The following CTNND2 variants were observed in gnomAD, a reference collection of about 807,000 sequenced individuals.
CTNND2 encodes catenin delta-2.
CTNND2 carries 22 observed loss-of-function variants against 144.4 expected under a neutral mutation model. That is an observed-to-expected ratio of 0.15 (90% CI 0.11 to 0.22). CTNND2 has a LOEUF of 0.22. CTNND2 is among the 10% of genes least tolerant of loss of function. CTNND2 has a pLI of 1.00. For synonymous variants in CTNND2, 751 were observed against 695.6 expected, an observed-to-expected ratio of 1.08 and a Z score of -1.25; for missense variants, 1,353 against 1,618.8, an observed-to-expected ratio of 0.84 and a Z score of 2.82.
At chr5:11,195,892 T>C (rs190869955) in intron 11 of CTNND2, among the ~76,000 whole-genome samples, 2 of 152,330 alleles carry the variant, frequency 1.3e-5, no homozygotes, top group African/African-American at 4.8e-5. Flanking sequence ...TAGCTTCGAT[T>C]GGATTTAAAT....
chr5:11,054,945 C>A (rs1316071778), intron 16 of CTNND2, among the ~76,000 whole-genome samples: 2 of 152,106 alleles, frequency 1.3e-5, no homozygotes, highest in East Asian at 3.9e-4. Flanking sequence ...TGACTGAGAG[C>A]CTTAATGTGT....
chr5:11,618,103 A>T (rs895735375), intron 2 of CTNND2, among the ~76,000 whole-genome samples: 4 of 150,890 alleles, frequency 2.7e-5, no homozygotes, highest in Admixed American at 2.6e-4. Flanking sequence ...TTTTTTTAAT[A>T]CCATTCATAT....
intron 2 of CTNND2, among the ~76,000 whole-genome samples, chr5:11,616,525 T>C (rs1780587926): frequency 6.6e-6 from 1 of 152,044 alleles, no homozygotes; most frequent in South Asian, 2.1e-4. Flanking sequence ...CTTCCTTCCT[T>C]GCTTCCTTCC....
chr5:11,300,823 C>T lies in CTNND2; in HGVS notation c.1628+45549G>A, dbSNP rs1029641395. On this transcript the variant is annotated intron_variant, in intron 9 of 21. Transcript: ENST00000304623. ...CCCCCAGCCTCCACTCCCATCCCCT[C>T]AAGGGTGCCGCCTTTTGGAAACAGG... 2.6e-5 allele frequency among the ~76,000 whole-genome samples: 4 copies of T among 152,300 alleles called. No homozygotes were observed. The South Asian group carries it at 8.3e-4, about 32-fold the overall frequency.
intron 8 of CTNND2, among the ~76,000 whole-genome samples, chr5:11,353,344 CT>C (rs962756360): frequency 1.3e-5 from 2 of 152,178 alleles, no homozygotes; most frequent in Admixed American, 1.3e-4. Context: ...GTTTTACCCC[CT>C]CTCCTCCACT....
Position 11,364,680 on chromosome 5 carries a change from G to T in CTNND2, c.1372+16C>A, listed in dbSNP as rs1038313310. On this transcript the variant is annotated intron_variant, in intron 8 of 21. Transcript: ENST00000304623. ...CCCCTGTGGACAGGCCACCCAGTGG[G>T]GTCCTGATTACACACCTGTGCTCGT... is the stretch of plus-strand genomic sequence containing the variant. 4 of 1,593,674 alleles carry T rather than the reference G, an allele frequency of 2.5e-6. No individual in the cohort carries two copies. In the African/African-American group the frequency reaches 5.4e-5, roughly 22 times the overall value.
chr5:11,477,519 C>T (rs1767870303), intron 3 of CTNND2, among the ~76,000 whole-genome samples: 1 of 151,964 alleles, frequency 6.6e-6, no homozygotes, highest in Non-Finnish European at 1.5e-5. Context: ...TCAAGTGATC[C>T]TCCCACCTCA....
intron 1 of CTNND2, among the ~76,000 whole-genome samples, chr5:11,741,629 T>C (rs1334972534): frequency 1.3e-5 from 2 of 151,812 alleles, no homozygotes; most frequent in Non-Finnish European, 2.9e-5. Flanking sequence ...AATGTCGAGT[T>C]GATGGGTGTA....
chr5:11,204,050 A>T (rs1737788483), intron 10 of CTNND2, among the ~76,000 whole-genome samples: 1 of 152,208 alleles, frequency 6.6e-6, no homozygotes, highest in Admixed American at 6.5e-5. Flanking sequence ...TCCTGTGTCA[A>T]TGGCTCACAT....
intron 2 of CTNND2, among the ~76,000 whole-genome samples, chr5:11,697,296 AG>A (rs376437292): frequency 1.6e-4 from 24 of 152,318 alleles, no homozygotes; most frequent in African/African-American, 5.8e-4. Flanking sequence ...GGACCTTAAC[AG>A]TATATAAAAG....
At chr5:11,721,044 A>T (rs181537269) in intron 2 of CTNND2, among the ~76,000 whole-genome samples, 1 of 152,316 alleles carries the variant, frequency 6.6e-6, no homozygotes, top group Admixed American at 6.5e-5. Context: ...TTCCCAATAG[A>T]CAACAAGTGA....
At chr5:11,281,309 G>A (rs1335499025) in intron 9 of CTNND2, among the ~76,000 whole-genome samples, 1 of 152,118 alleles carries the variant, frequency 6.6e-6, no homozygotes, top group African/African-American at 2.4e-5. Context: ...TTCTGGAAAT[G>A]TTCACGAACT....
intron 2 of CTNND2, among the ~76,000 whole-genome samples, chr5:11,718,256 T>C (rs1234018900): frequency 5.3e-5 from 8 of 152,188 alleles, no homozygotes; most frequent in African/African-American, 9.6e-5. Flanking sequence ...ATAATTCAAA[T>C]AGTGGCTAAT....
chr5:11,162,940 G>C (rs971631581), intron 11 of CTNND2, among the ~76,000 whole-genome samples: 4 of 151,026 alleles, frequency 2.6e-5, no homozygotes, highest in African/African-American at 9.8e-5. Flanking sequence ...CACATGTCTT[G>C]ACTGACGGAA....
At chr5:11,389,071 T>C (rs563718518) in intron 6 of CTNND2, among the ~76,000 whole-genome samples, 2 of 152,330 alleles carry the variant, frequency 1.3e-5, no homozygotes, top group South Asian at 4.1e-4. Context: ...AATTTAGATA[T>C]ACTTGGAATA....
At chr5:11,507,628 C>T (rs949861774) in intron 3 of CTNND2, among the ~76,000 whole-genome samples, 8 of 152,194 alleles carry the variant, frequency 5.3e-5, no homozygotes, top group African/African-American at 1.9e-4. Flanking sequence ...AGGTGTAAGC[C>T]ATTTCCTCCA....
At chr5:11,195,206 T>C (rs1736734345) in intron 11 of CTNND2, among the ~76,000 whole-genome samples, 1 of 152,192 alleles carries the variant, frequency 6.6e-6, no homozygotes, top group Non-Finnish European at 1.5e-5. Context: ...CACAAGAGAA[T>C]TTAATAGTAT....
chr5:11,690,524 G>C (rs942629208), intron 2 of CTNND2, among the ~76,000 whole-genome samples: 1 of 151,924 alleles, frequency 6.6e-6, no homozygotes, highest in Admixed American at 6.6e-5. Context: ...ATGAGGTCAT[G>C]AGATCGAGAC....
At chr5:11,589,282 A>AACACACACACACACACAC (rs34009518) in intron 2 of CTNND2, among the ~76,000 whole-genome samples, 4 of 146,620 alleles carry the variant, frequency 2.7e-5, no homozygotes, top group East Asian at 2.0e-4. Context: ...TTAACATTAA[A>AACACACACACACACACAC]ACACACACAC....
Sources: gnomAD v4.1 joint callset for allele counts (sites outside exome capture counted in the v4.1 genomes callset) on GRCh38, gnomAD v4.1.1 for gene constraint, MANE v1.5 for transcripts, NCBI Gene and HGNC (gene_info 2026-07-23, HGNC 2026-07-21) for gene names.